ASCC2: variants seen among roughly 807,000 people sequenced by gnomAD.
ASCC2 encodes ASC-1 complex subunit P100.
A neutral mutation model predicts 93.5 loss-of-function variants in ASCC2; 42 were observed. The observed-to-expected ratio is 0.45, with a 90% confidence interval of 0.35 to 0.58. The LOEUF (loss-of-function observed/expected upper bound fraction) is 0.58. Among genes scored for constraint, ASCC2 ranks in the 20% least tolerant of loss-of-function variants. ASCC2 has a pLI of 0.00. For missense variants in ASCC2, 859 were observed against 977.6 expected (o/e 0.88, Z 1.62); for synonymous variants, 364 against 384.2 (o/e 0.95, Z 0.62).
intron 8 of ASCC2, among the ~76,000 whole-genome samples, chr22:29,812,735 A>G (rs1018424108): frequency 1.3e-5 from 2 of 152,062 alleles, no homozygotes; most frequent in African/African-American, 4.8e-5. Context: ...CCTTCCTGCT[A>G]TGGGAACTTT....
intron 17 of ASCC2, among the ~76,000 whole-genome samples, chr22:29,793,158 G>A (rs533743073): frequency 1.3e-5 from 2 of 152,214 alleles, no homozygotes; most frequent in African/African-American, 4.8e-5. Flanking sequence ...TCTCAAAAAA[G>A]AAAAACGCAA....
At chr22:29,831,976 T>C (rs529913071) in intron 2 of ASCC2, among the ~76,000 whole-genome samples, 116 of 152,202 alleles carry the variant, frequency 7.6e-4, no homozygotes, top group African/African-American at 2.6e-3. Flanking sequence ...CAGGCTGAAT[T>C]AGAACTGCCA....
At chr22:29,830,222 C>G (rs2062957066) in intron 2 of ASCC2, among the ~76,000 whole-genome samples, 1 of 152,204 alleles carries the variant, frequency 6.6e-6, no homozygotes, top group Non-Finnish European at 1.5e-5. Context: ...CTCATTTAAT[C>G]CCCACAACCA....
intron 13 of ASCC2, among the ~76,000 whole-genome samples, chr22:29,804,222 C>T (rs139220952): frequency 0.01 from 1,573 of 152,334 alleles, 20 homozygotes; most frequent in African/African-American, 0.033. Flanking sequence ...TACACTTGTT[C>T]AGTGGAATCC....
At chr22:29,805,114 C>T (rs2059530621) in intron 12 of ASCC2, among the ~76,000 whole-genome samples, 1 of 152,194 alleles carries the variant, frequency 6.6e-6, no homozygotes, top group African/African-American at 2.4e-5. Context: ...ATGGACGAGC[C>T]AGCAGCTCCT....
At chr22:29,806,073 C>G (rs542440998) in intron 12 of ASCC2, 143 bp downstream of exon 12, 4 of 843,256 alleles carry the variant, frequency 4.7e-6, no homozygotes, top group Non-Finnish European at 7.8e-6. Context: ...AGGCTGGGAC[C>G]TTGGCAGGCC....
chr22:29,814,701 G>T lies in ASCC2; in HGVS notation c.676C>A (p.Leu226Ile). The change falls in exon 7 of 20, where the codon CTT becomes ATT. Residue 226 changes from leucine (L) to isoleucine (I), a missense_variant. Physicochemically the swap from Leu to Ile is conservative, Grantham distance 5. Coordinates refer to ENST00000307790, the MANE Select transcript of ASCC2 (RefSeq NM_032204.5). ...GGGGTCAATCGGCCCCTCTCCTCAA[G>T]CTTCTGGGGTGTGGTATTGGCCCCG... ...GDGANTTPQK[L>I]EERGRLTPSD... 6.2e-7 allele frequency: 1 copy of T among 1,607,424 alleles called. No homozygotes were observed. Among genetic ancestry groups the T allele is most frequent in the Non-Finnish European group, 8.5e-7 (1 of 1,177,410 alleles).
chr22:29,794,211 G>A (rs2058134329), intron 15 of ASCC2, among the ~76,000 whole-genome samples: 2 of 151,366 alleles, frequency 1.3e-5, no homozygotes. Flanking sequence ...AGGTAAAATG[G>A]GGCTGGGCGC....
rs1261663082 is a variant in ASCC2, at chr22:29,825,619, T to C, written c.240+3A>G. 1 of 1,614,100 alleles carries C rather than the reference T, an allele frequency of 6.2e-7. No homozygotes were observed. Among genetic ancestry groups the C allele is most frequent in the Non-Finnish European group, 8.5e-7 (1 of 1,180,044 alleles). ...CTTAGCGTTAATTTTGATAGAATGTTACCTGGCACCAGAATTTATCGTGAG... is the reference window on the plus strand; with the variant it reads ...CTTAGCGTTAATTTTGATAGAATGTCACCTGGCACCAGAATTTATCGTGAG... On this transcript the variant is annotated splice_donor_region_variant and intron_variant, in intron 3 of 19. Transcript: ENST00000307790. This position sits in a 1 kb window ranked among gnomAD's most constrained non-coding sequence, Gnocchi z 4.9.
chr22:29,791,674 G>A (rs988111219), intron 18 of ASCC2, among the ~76,000 whole-genome samples: 2 of 152,014 alleles, frequency 1.3e-5, no homozygotes, highest in African/African-American at 4.8e-5. Flanking sequence ...AGAGTGGGAC[G>A]CCATCTCCAA....
Position 29,790,082 on chromosome 22 carries a change from A to ATGTGTC in ASCC2, c.2102+381_2102+386dup, listed in dbSNP as rs2068779904. Among the ~76,000 whole-genome samples the ATGTGTC allele has an allele frequency of 2.0e-5, 3 of 152,136 alleles. No individual in the cohort carries two copies. In the South Asian group the frequency reaches 6.2e-4, roughly 31 times the overall value. On this transcript the variant is annotated intron_variant, in intron 19 of 19. Transcript: ENST00000307790. ...TCCATACCTCTATCAGCCAGAAAGGATGTGTCTGTGTCTGTCTGAGCTCTC... is the reference window on the plus strand; with the variant it reads ...TCCATACCTCTATCAGCCAGAAAGGATGTGTCTGTGTCTGTGTCTGTCTGAGCTCTC...
At chr22:29,814,338 T>C (rs1161040188) in intron 7 of ASCC2, among the ~76,000 whole-genome samples, 1 of 152,220 alleles carries the variant, frequency 6.6e-6, no homozygotes, top group Non-Finnish European at 1.5e-5. Context: ...TCAATATAAG[T>C]CCACTGAATA....
At position 29,825,517 on chromosome 22, in the gene ASCC2, G is replaced by T; in HGVS notation, c.240+105C>A. The T allele has an allele frequency of 1.3e-6, 2 of 1,495,238 alleles. No homozygotes were observed. Among genetic ancestry groups the T allele is most frequent in the Admixed American group, 3.5e-5 (2 of 56,994 alleles). The allele number at this position is 1,495,238 out of a possible 1,614,324, so 92.6% of individuals were successfully genotyped here. On this transcript the variant is annotated intron_variant, in intron 3 of 19. Transcript: ENST00000307790. The surrounding 1 kb of genome is among the most constrained non-coding windows in gnomAD (Gnocchi z 4.9). The stretch of plus-strand genomic sequence containing the variant: ...ATTTGCTGTTAAGGATCCAGTGAAA[G>T]AAGTAGACAAAAAAGCACCTCCTAG...
At position 29,816,983 on chromosome 22, in the gene ASCC2, C is replaced by T. The variant is rs529672920; in HGVS notation, c.542-910G>A. ...AGGTGTTCTCTGCCTTTGGGCAGGT[C>T]TGTCCTTGGTTTCCTTATCGATGAC... On this transcript the variant is annotated intron_variant, in intron 5 of 19. Transcript: ENST00000307790. Among the ~76,000 whole-genome samples, 5 of 152,340 alleles carry T rather than the reference C, an allele frequency of 3.3e-5. No individual in the cohort carries two copies. In the South Asian group the frequency reaches 1.0e-3, roughly 32 times the overall value.
intron 2 of ASCC2, chr22:29,827,683 T>C (rs1293320905): frequency 6.6e-6 from 3 of 455,648 alleles, no homozygotes; most frequent in African/African-American, 6.0e-5. Flanking sequence ...GTTTCCAAGC[T>C]TCCTCCCTCT....
At chr22:29,815,449 T>G (rs1202138325) in intron 6 of ASCC2, among the ~76,000 whole-genome samples, 4 of 152,196 alleles carry the variant, frequency 2.6e-5, no homozygotes, top group Admixed American at 6.5e-5. Context: ...GGAAACTACA[T>G]TGAAAATAAG....
chr22:29,832,393 G>T (rs1028591561), intron 1 of ASCC2, 51 bp from the exon 2 acceptor site: 1 of 1,412,182 alleles, frequency 7.1e-7, no homozygotes, highest in Non-Finnish European at 9.9e-7. Context: ...GACTCCTGGG[G>T]GCAGGGCCTG....
chr22:29,833,663 T>C (rs957013636), intron 1 of ASCC2: 52 of 469,502 alleles, frequency 1.1e-4, no homozygotes, highest in Admixed American at 7.1e-4. Flanking sequence ...GGAATAGAAG[T>C]GTATTAGGCC....
At chr22:29,823,303 T>C (rs1246106335) in intron 4 of ASCC2, among the ~76,000 whole-genome samples, 1 of 152,224 alleles carries the variant, frequency 6.6e-6, no homozygotes, top group Non-Finnish European at 1.5e-5. Flanking sequence ...CCTCCCAAAG[T>C]GCTGGGATTA....
Sources: gnomAD v4.1 joint callset for allele counts (sites outside exome capture counted in the v4.1 genomes callset) on GRCh38, gnomAD v4.1.1 for gene constraint, Gnocchi (gnomAD v3.1) non-coding constraint, MANE v1.5 for transcripts, NCBI Gene and HGNC (gene_info 2026-07-23, HGNC 2026-07-21) for gene names.